PCDHA9: variants seen among roughly 807,000 people sequenced by gnomAD.
The protein encoded by PCDHA9 is protocadherin alpha-9.
PCDHA9 carries 62 observed loss-of-function variants against 62.0 expected under a neutral mutation model. The ratio of observed to expected loss-of-function variants is 1.00; its 90% CI spans 0.81 to 1.23. The LOEUF (loss-of-function observed/expected upper bound fraction) is 1.23. PCDHA9 is among the 50% of genes most tolerant of loss of function. PCDHA9 has a pLI of 0.00. For missense variants in PCDHA9, 1,205 were observed against 1,249.8 expected, an observed-to-expected ratio of 0.96 and a Z score of 0.54; for synonymous variants, 557 against 567.6, an observed-to-expected ratio of 0.98 and a Z score of 0.27.
At chr5:140,877,813 GAA>G in intron 1 of PCDHA9, 1 of 1,610,266 alleles carries the variant, frequency 6.2e-7, no homozygotes, top group Non-Finnish European at 8.5e-7. Flanking sequence ...GCTGTCTCGA[GAA>G]GATTGTTTAA....
intron 1 of PCDHA9, chr5:140,927,082 C>G (rs141480000): frequency 6.2e-7 from 1 of 1,611,100 alleles, no homozygotes; most frequent in Non-Finnish European, 8.5e-7. Flanking sequence ...CCACCGCGAG[C>G]TCTACTTCGG....
intron 1 of PCDHA9, among the ~76,000 whole-genome samples, chr5:140,953,003 A>G (rs2094831963): frequency 6.6e-6 from 1 of 152,190 alleles, no homozygotes; most frequent in Non-Finnish European, 1.5e-5. Context: ...CTCTCTCACT[A>G]TTATGAGAAC....
intron 1 of PCDHA9, among the ~76,000 whole-genome samples, chr5:140,907,888 C>G (rs1441879791): frequency 6.6e-6 from 1 of 152,234 alleles, no homozygotes; most frequent in Non-Finnish European, 1.5e-5. Flanking sequence ...ACATGGGATA[C>G]AAATATCTTC....
chr5:141,006,067 A>G (rs1202024176), intron 3 of PCDHA9, among the ~76,000 whole-genome samples: 4 of 151,950 alleles, frequency 2.6e-5, no homozygotes, highest in Admixed American at 6.6e-5. Flanking sequence ...AGAAATAAAA[A>G]TCAGATTATT....
At position 140,850,679 on chromosome 5, in the gene PCDHA9, C is replaced by G. The variant is rs1439060369; in HGVS notation, c.2184C>G (p.Thr728=). 22 of 1,598,382 alleles carry G rather than the reference C, an allele frequency of 1.4e-5. 2 individuals are homozygous for G. The highest frequency in any genetic ancestry group is 1.6e-5 in the Non-Finnish European group (19 of 1,167,880). The stretch of plus-strand genomic sequence containing the variant: ...TGCTGCGGTGCTCGGCGATGCCCAC[C>G]GAGGGCGAGTGCGCGCCTGGCAAGC... ...YTVLRCSAMP[T]EGECAPGKPT... is the part of the protein sequence containing the mutation. Residue 728 remains threonine, a synonymous_variant, in exon 1 of 4, where the codon ACC becomes ACG. Coordinates refer to ENST00000532602, the MANE Select transcript of PCDHA9 (RefSeq NM_031857.2).
At chr5:140,961,113 C>T (rs2095591220) in intron 1 of PCDHA9, among the ~76,000 whole-genome samples, 1 of 152,190 alleles carries the variant, frequency 6.6e-6, no homozygotes, top group Non-Finnish European at 1.5e-5. Context: ...AACCCCCTTG[C>T]ATCTTAATGT....
At chr5:140,959,428 A>AT (rs2095488424) in intron 1 of PCDHA9, among the ~76,000 whole-genome samples, 1 of 152,102 alleles carries the variant, frequency 6.6e-6, no homozygotes, top group Non-Finnish European at 1.5e-5. Context: ...GAATTTGTGT[A>AT]TTTTTTTCTA....
intron 1 of PCDHA9, among the ~76,000 whole-genome samples, chr5:140,958,881 A>G (rs565016962): frequency 2.0e-5 from 3 of 152,092 alleles, no homozygotes; most frequent in Non-Finnish European, 2.9e-5. Flanking sequence ...AGAATTGACC[A>G]GTAGCTATAT....
At chr5:140,921,676 T>A (rs2080324583) in intron 1 of PCDHA9, among the ~76,000 whole-genome samples, 1 of 152,178 alleles carries the variant, frequency 6.6e-6, no homozygotes, top group South Asian at 2.1e-4. Flanking sequence ...ACAGTTATCA[T>A]CAAACACTGG....
chr5:140,875,484 C>T (rs1442383636), intron 1 of PCDHA9: 2 of 1,611,246 alleles, frequency 1.2e-6, no homozygotes, highest in Non-Finnish European at 1.7e-6. Flanking sequence ...TGGTGATTAT[C>T]GGACCAAGAG....
intron 3 of PCDHA9, among the ~76,000 whole-genome samples, chr5:140,993,767 G>T (rs115607244): frequency 1.3e-5 from 2 of 152,010 alleles, no homozygotes; most frequent in African/African-American, 4.8e-5. Flanking sequence ...TTACAATTGC[G>T]CAGTATTTTG....
chr5:140,945,387 T>C (rs1249675973), intron 1 of PCDHA9, among the ~76,000 whole-genome samples: 1 of 152,102 alleles, frequency 6.6e-6, no homozygotes, highest in Non-Finnish European at 1.5e-5. Flanking sequence ...CAAAGCAATA[T>C]ACAAATTCAA....
chr5:140,906,327 A>G (rs1240461628), intron 1 of PCDHA9, among the ~76,000 whole-genome samples: 2 of 152,322 alleles, frequency 1.3e-5, no homozygotes, highest in African/African-American at 4.8e-5. Flanking sequence ...TGATACAACT[A>G]TCCTTCATAC....
intron 1 of PCDHA9, chr5:140,882,432 A>G: frequency 6.2e-7 from 1 of 1,614,052 alleles, no homozygotes; most frequent in Non-Finnish European, 8.5e-7. Context: ...CTGGGGCTGG[A>G]GCTGGCGGAG....
At chr5:140,996,503 G>A (rs1306027159) in intron 3 of PCDHA9, among the ~76,000 whole-genome samples, 1 of 152,120 alleles carries the variant, frequency 6.6e-6, no homozygotes, top group African/African-American at 2.4e-5. Context: ...TGGCTTCTTG[G>A]GGCCCAGCAT....
intron 1 of PCDHA9, chr5:140,883,186 C>T (rs782501193): frequency 1.4e-5 from 23 of 1,613,822 alleles, no homozygotes; most frequent in African/African-American, 2.7e-5. Context: ...GGACAAAAGG[C>T]AAACTAGATT....
At chr5:140,946,573 A>C (rs1272286008) in intron 1 of PCDHA9, among the ~76,000 whole-genome samples, 1 of 147,140 alleles carries the variant, frequency 6.8e-6, no homozygotes, top group African/African-American at 2.6e-5. Flanking sequence ...GAATCAACTT[A>C]GGTGTTCATA....
At chr5:140,996,926 T>C (rs569386997) in intron 3 of PCDHA9, among the ~76,000 whole-genome samples, 4 of 152,320 alleles carry the variant, frequency 2.6e-5, no homozygotes, top group Middle Eastern at 3.4e-3. Flanking sequence ...TTAAAAAATA[T>C]AGCATTTTTG....
At chr5:140,998,094 GCAAA>G (rs1182835904) in intron 3 of PCDHA9, among the ~76,000 whole-genome samples, 7 of 152,226 alleles carry the variant, frequency 4.6e-5, no homozygotes, top group African/African-American at 1.4e-4. Flanking sequence ...AAATGCTAGA[GCAAA>G]CAGAGGAGAA....
Sources: gnomAD v4.1 joint callset for allele counts (sites outside exome capture counted in the v4.1 genomes callset) on GRCh38, gnomAD v4.1.1 for gene constraint, MANE v1.5 for transcripts, NCBI Gene and HGNC (gene_info 2026-07-23, HGNC 2026-07-21) for gene names.